SLC35F3: variants seen among roughly 807,000 people sequenced by gnomAD.
SLC35F3 encodes solute carrier family 35 member F3, also known as putative thiamine transporter SLC35F3.
A neutral mutation model predicts 49.9 loss-of-function variants in SLC35F3; 25 were observed. The ratio of observed to expected loss-of-function variants is 0.50; its 90% CI spans 0.37 to 0.70. The LOEUF (loss-of-function observed/expected upper bound fraction) is 0.70, where lower values mean the gene tolerates loss of function less well. Ranked by LOEUF, SLC35F3 falls within the 30% of genes least tolerant of loss-of-function variation. The probability of loss-of-function intolerance (pLI) is 0.00; values close to 1 mark genes in which losing one functional copy is unlikely to be tolerated. For missense variants in SLC35F3, 525 were observed against 639.8 expected (o/e 0.82, Z 1.94); for synonymous variants, 275 against 265.4 (o/e 1.04, Z -0.35).
chr1:233,906,082 G>A (rs1276644010), intron 2 of SLC35F3, among the ~76,000 whole-genome samples: 1 of 152,314 alleles, frequency 6.6e-6, no homozygotes, highest in Non-Finnish European at 1.5e-5. Flanking sequence ...AAAGTATCCC[G>A]GACAGTGTGG....
At chr1:234,182,464 A>G (rs1190117951) in intron 2 of SLC35F3, among the ~76,000 whole-genome samples, 1 of 152,220 alleles carries the variant, frequency 6.6e-6, no homozygotes, top group East Asian at 1.9e-4. Flanking sequence ...TGCTTTCTTC[A>G]GCTCCATTGT....
chr1:234,193,712 A>G (rs12063110), intron 2 of SLC35F3, among the ~76,000 whole-genome samples: 12,187 of 152,270 alleles, frequency 0.08, 1,346 homozygotes, highest in African/African-American at 0.25. Context: ...AAGGACTAAT[A>G]TCCAGAATCT....
chr1:233,994,453 C>CAA (rs35323092), intron 2 of SLC35F3, among the ~76,000 whole-genome samples: 73,276 of 151,962 alleles, frequency 0.48, 18,900 homozygotes, highest in African/African-American at 0.65. Context: ...CTGTAAATGT[C>CAA]AGAGTGTGGT....
intron 2 of SLC35F3, among the ~76,000 whole-genome samples, chr1:234,065,338 G>A (rs751227372): frequency 2.0e-5 from 3 of 152,072 alleles, no homozygotes; most frequent in Non-Finnish European, 2.9e-5. Context: ...TAGTAGAAAC[G>A]CGGTTTCACC....
intron 2 of SLC35F3, among the ~76,000 whole-genome samples, chr1:234,053,908 T>G (rs1664415984): frequency 1.3e-5 from 2 of 152,210 alleles, no homozygotes; most frequent in Admixed American, 1.3e-4. Context: ...TGAAGCTTAG[T>G]TTGGCTTGAT....
chr1:234,312,433 A>G (rs1422853152), intron 4 of SLC35F3, among the ~76,000 whole-genome samples: 1 of 152,184 alleles, frequency 6.6e-6, no homozygotes, highest in Admixed American at 6.5e-5. Flanking sequence ...GATGTTTCCA[A>G]TAATCAAAAT....
chr1:234,192,026 A>G (rs1372592983), intron 2 of SLC35F3, among the ~76,000 whole-genome samples: 1 of 152,172 alleles, frequency 6.6e-6, no homozygotes, highest in Non-Finnish European at 1.5e-5. Flanking sequence ...TCTATCAGAC[A>G]TTCAAAGAAG....
chr1:234,082,428 T>A (rs1008448787), intron 2 of SLC35F3, among the ~76,000 whole-genome samples: 1 of 152,232 alleles, frequency 6.6e-6, no homozygotes, highest in Non-Finnish European at 1.5e-5. Context: ...AGCAGTGTGA[T>A]AAAGAGTGTT....
intron 2 of SLC35F3, among the ~76,000 whole-genome samples, chr1:234,015,301 T>C (rs1220075156): frequency 6.6e-6 from 1 of 151,682 alleles, no homozygotes; most frequent in Non-Finnish European, 1.5e-5. Flanking sequence ...TGAGCCGATA[T>C]TGTACTGCTG....
chr1:234,230,187 A>G (rs764748956), intron 2 of SLC35F3, among the ~76,000 whole-genome samples: 39 of 152,254 alleles, frequency 2.6e-4, no homozygotes, highest in South Asian at 1.2e-3. Context: ...GCTTCGGTTT[A>G]TCTTTGGCTA....
intron 3 of SLC35F3, among the ~76,000 whole-genome samples, chr1:234,299,533 T>C (rs1372675941): frequency 6.6e-6 from 1 of 152,068 alleles, no homozygotes; most frequent in Non-Finnish European, 1.5e-5. Context: ...AGGCCAGGCG[T>C]GGTGGCTCAC....
intron 2 of SLC35F3, among the ~76,000 whole-genome samples, chr1:233,983,605 TTGCA>T (rs1425753833): frequency 6.6e-6 from 1 of 152,238 alleles, no homozygotes; most frequent in African/African-American, 2.4e-5. Flanking sequence ...GTTTCTTAAT[TTGCA>T]TGCGAAGTTT....
intron 2 of SLC35F3, among the ~76,000 whole-genome samples, chr1:234,119,732 G>C (rs995564386): frequency 1.3e-5 from 2 of 152,138 alleles, no homozygotes; most frequent in Admixed American, 1.3e-4. Context: ...TAGTATTAGG[G>C]GTGGGGAAAT....
chr1:234,312,167 T>C (rs1657372090), intron 4 of SLC35F3, among the ~76,000 whole-genome samples: 1 of 152,174 alleles, frequency 6.6e-6, no homozygotes, highest in Non-Finnish European at 1.5e-5. Flanking sequence ...GCACACTGCC[T>C]GCTAGCTGCA....
At chr1:234,150,385 C>T (rs1666058988) in intron 2 of SLC35F3, among the ~76,000 whole-genome samples, 1 of 151,008 alleles carries the variant, frequency 6.6e-6, no homozygotes, top group Non-Finnish European at 1.5e-5. Flanking sequence ...TTTCTCTGGG[C>T]CTTTTTATTT....
intron 3 of SLC35F3, among the ~76,000 whole-genome samples, chr1:234,237,846 C>T (rs372182793): frequency 2.6e-5 from 4 of 152,288 alleles, no homozygotes; most frequent in African/African-American, 9.6e-5. Flanking sequence ...CATTTCCTGT[C>T]TGATTTCTTC....
intron 2 of SLC35F3, among the ~76,000 whole-genome samples, chr1:234,069,148 A>G (rs1226689836): frequency 3.7e-5 from 5 of 133,560 alleles, no homozygotes; most frequent in Non-Finnish European, 7.8e-5. Flanking sequence ...TATATAATAT[A>G]TTTATAGACA....
chr1:234,206,762 A>G (rs1208323916), intron 2 of SLC35F3, among the ~76,000 whole-genome samples: 2 of 152,142 alleles, frequency 1.3e-5, no homozygotes, highest in African/African-American at 4.8e-5. Context: ...AGGGCTTCGC[A>G]GTGCGTAGGA....
intron 3 of SLC35F3, among the ~76,000 whole-genome samples, chr1:234,247,379 G>C (rs1667649868): frequency 6.6e-6 from 1 of 152,176 alleles, no homozygotes; most frequent in Non-Finnish European, 1.5e-5. Context: ...TGGTTGGCTG[G>C]TCCATTTTTA....
Sources: allele counts gnomAD v4.1 joint callset (sites outside exome capture counted in the v4.1 genomes callset), GRCh38; gene constraint gnomAD v4.1.1; transcripts MANE v1.5; gene names NCBI Gene and HGNC (gene_info 2026-07-23, HGNC 2026-07-21).